The following APOL2 variants were observed in gnomAD, a reference collection of about 807,000 sequenced individuals.
APOL2 encodes apolipoprotein L2.
A neutral mutation model predicts 7.1 loss-of-function variants in APOL2; 8 were observed. The observed-to-expected ratio is 1.12, with a 90% CI of 0.66 to 2.03. The LOEUF is 2.03. Ranked by LOEUF, APOL2 falls within the 30% of genes most tolerant of loss-of-function variation. The pLI is 0.00. For missense variants in APOL2, 471 were observed against 415.1 expected (o/e 1.13, Z -1.17); for synonymous variants, 177 against 159.9 (o/e 1.11, Z -0.81).
intron 2 of APOL2, 33 bp downstream of exon 2, chr22:36,233,369 G>T (rs749009247): frequency 6.4e-7 from 1 of 1,559,770 alleles, no homozygotes; most frequent in South Asian, 1.2e-5. Context: ...TTATCTCCTG[G>T]GGCCCTGCCA....
upstream of APOL2, chr22:36,239,543 C>A: frequency 6.4e-7 from 1 of 1,572,566 alleles, no homozygotes; most frequent in Non-Finnish European, 8.6e-7. Context: ...GACACGTCCT[C>A]CGGCCTCCCA....
At chr22:36,228,324 A>G (rs768783142) in intron 4 of APOL2, 44 bp from the exon 5 acceptor site, 4 of 1,564,708 alleles carry the variant, frequency 2.6e-6, no homozygotes, top group African/African-American at 1.4e-5. Context: ...CAGTTTCCCT[A>G]TCTGTGAAAT....
At chr22:36,235,095 C>T (rs1250046046) in intron 1 of APOL2, among the ~76,000 whole-genome samples, 1 of 152,206 alleles carries the variant, frequency 6.6e-6, no homozygotes, top group Non-Finnish European at 1.5e-5. Flanking sequence ...GGGCATCCAG[C>T]CAGGCAGAGT....
intron 1 of APOL2, chr22:36,236,980 G>A (rs1166754519): frequency 1.2e-5 from 17 of 1,371,562 alleles, no homozygotes; most frequent in South Asian, 1.1e-4. Context: ...CTGTCTCAAC[G>A]CCATCTCATG....
upstream of APOL2, chr22:36,239,598 C>T (rs1053488539): frequency 1.3e-5 from 16 of 1,247,718 alleles, no homozygotes; most frequent in African/African-American, 1.5e-5. Flanking sequence ...TCACAACTTC[C>T]CAGCAGCTCA....
At chr22:36,233,520 A>G in intron 1 of APOL2, 65 bp from the exon 2 acceptor site, 1 of 1,413,372 alleles carries the variant, frequency 7.1e-7, no homozygotes, top group Non-Finnish European at 9.7e-7. Flanking sequence ...CAGAAACTAC[A>G]GAGTCTATAC....
intron 1 of APOL2, among the ~76,000 whole-genome samples, chr22:36,238,172 G>A (rs1171120142): frequency 1.3e-5 from 2 of 152,146 alleles, no homozygotes; most frequent in South Asian, 2.1e-4. Flanking sequence ...CGACTGACCT[G>A]GATGCCCTCC....
intron 4 of APOL2, among the ~76,000 whole-genome samples, chr22:36,229,552 T>A (rs1321139853): frequency 6.6e-6 from 1 of 152,252 alleles, no homozygotes; most frequent in East Asian, 1.9e-4. Flanking sequence ...CTGCCCTGTG[T>A]GTCTCTTCCT....
At chr22:36,238,822 G>A (rs1291695193) in intron 1 of APOL2, among the ~76,000 whole-genome samples, 8 of 152,182 alleles carry the variant, frequency 5.3e-5, no homozygotes, top group East Asian at 1.9e-4. Context: ...GGCCAGAGAC[G>A]TGAAGTCCTA....
In APOL2 at chr22:36,227,676, G is replaced by C; in HGVS notation, c.742C>G (p.Arg248Gly). 6.2e-7 allele frequency: 1 copy of C among 1,614,228 alleles called. No individual in the cohort carries two copies. The highest frequency in any genetic ancestry group is 8.5e-7 in the Non-Finnish European group (1 of 1,180,042). ...TGTTCACCGCCTTCAGCTGAGATTC[G>C]CCCAATGACATGCGGGGGTGGGGCA... ...AYAPPPHVIGRISAEGGEQVE... is the reference protein window; with the variant it reads ...AYAPPPHVIGGISAEGGEQVE... Residue 248 changes from arginine (R) to glycine (G), a missense_variant, in exon 5 of 5, where the codon CGA (arginine) becomes GGA (glycine). Arg to Gly is a moderately radical substitution (Grantham distance 125, BLOSUM62 -2). Transcript: ENST00000358502.
chr22:36,239,614 A>G (rs528980216), upstream of APOL2: 108 of 1,021,804 alleles, frequency 1.1e-4, no homozygotes, highest in African/African-American at 1.6e-3. Flanking sequence ...GCTCATGACC[A>G]AGCACAGTAA....
chr22:36,232,171 G>A (rs187833411), intron 3 of APOL2, among the ~76,000 whole-genome samples: 3 of 152,312 alleles, frequency 2.0e-5, no homozygotes, highest in South Asian at 2.1e-4. Flanking sequence ...ATATTTACTC[G>A]ATAAATACTT....
chr22:36,235,744 GGTGGGTGGGTGGGTGTGTGT>G (rs2015377379), intron 1 of APOL2, among the ~76,000 whole-genome samples: 1 of 100,972 alleles, frequency 9.9e-6, no homozygotes, highest in Non-Finnish European at 2.0e-5. Flanking sequence ...AGGAAGAAAG[GGTGGGTGGGTGGGTGTGTGT>G]GTGTGTGTGT....
chr22:36,230,090 A>T (rs1293760039), intron 4 of APOL2, among the ~76,000 whole-genome samples: 2 of 152,214 alleles, frequency 1.3e-5, no homozygotes, highest in Non-Finnish European at 2.9e-5. Context: ...AAGACTCAAG[A>T]CACTTTCAGA....
chr22:36,230,509 G>A (rs1475533131), intron 4 of APOL2, among the ~76,000 whole-genome samples: 4 of 152,044 alleles, frequency 2.6e-5, no homozygotes, highest in Non-Finnish European at 5.9e-5. Flanking sequence ...CCCAGCCCTG[G>A]TGCCCCAGCC....
At chr22:36,237,396 C>A in intron 1 of APOL2, 1 of 1,241,864 alleles carries the variant, frequency 8.1e-7, no homozygotes, top group Admixed American at 4.2e-5. Flanking sequence ...GAAATGATTT[C>A]CTGAGAAATC....
intron 3 of APOL2, among the ~76,000 whole-genome samples, chr22:36,231,949 TGC>T (rs2015240327): frequency 6.6e-6 from 1 of 152,192 alleles, no homozygotes; most frequent in Non-Finnish European, 1.5e-5. Context: ...CCTGTGCTTC[TGC>T]TTTGCAGCTG....
rs777285372 is a variant in APOL2, at chr22:36,228,017, C to G, written c.401G>C (p.Gly134Ala). ...GTTSGILTLL[G>A]LGLAPFTEGI... ...TTCTGTGAAGGGTGCCAGACCCAGGCCGAGGAGGGTCAGGATGCCAGAGGT... is the reference window on the plus strand; with the variant it reads ...TTCTGTGAAGGGTGCCAGACCCAGGGCGAGGAGGGTCAGGATGCCAGAGGT... The change falls in exon 5 of 5, where the codon GGC (glycine) becomes GCC (alanine). Residue 134 changes from glycine (G) to alanine (A), a missense_variant. Transcript: ENST00000358502. The G allele has an allele frequency of 1.2e-6, 2 of 1,614,248 alleles. No individual in the cohort carries two copies. The highest frequency in any genetic ancestry group is 1.7e-5 in the Admixed American group (1 of 60,036).
At chr22:36,239,118 G>A (rs1180700829) in intron 1 of APOL2, 8 of 1,182,456 alleles carry the variant, frequency 6.8e-6, no homozygotes, top group Non-Finnish European at 6.3e-6. Context: ...CAAAGAGATG[G>A]GCACCCCCAA....
Sources: allele counts gnomAD v4.1 joint callset (sites outside exome capture counted in the v4.1 genomes callset), GRCh38; gene constraint gnomAD v4.1.1; transcripts MANE v1.5; gene names NCBI Gene and HGNC (gene_info 2026-07-23, HGNC 2026-07-21).